NAPEPLD: variants seen among roughly 807,000 people sequenced by gnomAD.
NAPEPLD encodes N-acyl phosphatidylethanolamine phospholipase D.
Under a neutral mutation model 38.1 loss-of-function variants are expected in NAPEPLD, and 23 were observed. The ratio of observed to expected loss-of-function variants is 0.60; its 90% CI spans 0.43 to 0.86. The LOEUF (loss-of-function observed/expected upper bound fraction) is 0.86, where lower values mean the gene tolerates loss of function less well. Among genes scored for constraint, NAPEPLD ranks in the 40% least tolerant of loss-of-function variants. The pLI, the probability that NAPEPLD is intolerant of heterozygous loss-of-function variation, is 0.00. For missense variants in NAPEPLD, 411 were observed against 476.8 expected, an observed-to-expected ratio of 0.86 and a Z score of 1.28; for synonymous variants, 147 against 162.0, an observed-to-expected ratio of 0.91 and a Z score of 0.71.
intron 2 of NAPEPLD, among the ~76,000 whole-genome samples, chr7:103,122,797 T>C (rs1806987648): frequency 6.6e-6 from 1 of 152,186 alleles, no homozygotes; most frequent in African/African-American, 2.4e-5. Context: ...CTAAGAAATA[T>C]TCAGACATTC....
In NAPEPLD at chr7:103,102,771, A is replaced by G. The variant is rs558540249; in HGVS notation, c.*658T>C. The stretch of plus-strand genomic sequence containing the variant: ...GAACTGTACACTTAAAAATGGTTAA[A>G]ATGGTAAATGTTTAAAATGGCAAAT... On this transcript the variant is annotated 3_prime_UTR_variant, in exon 5 of 5. Transcript: ENST00000465647. The G allele has an allele frequency of 6.5e-6, 1 of 152,772 alleles. No homozygotes were observed. The highest frequency in any genetic ancestry group is 1.5e-5 in the Non-Finnish European group (1 of 68,042). 9.5% of individuals were successfully genotyped at this position (152,772 alleles called of 1,614,324 possible). A position where few individuals can be genotyped will look rare whatever the true frequency, so the allele number is the denominator to read the frequency against.
At position 103,100,447 on chromosome 7, in the gene NAPEPLD, G is replaced by A. The variant is rs1802239913; in HGVS notation, c.*2982C>T. ...AATGTCAAAATGCTAGAGAAAAGAG[G>A]GAGTAATTTTTAACTACCCAGAAAG... On this transcript the variant is annotated 3_prime_UTR_variant, in exon 5 of 5. Coordinates refer to ENST00000465647, the MANE Select transcript of NAPEPLD (RefSeq NM_001122838.3). The A allele has an allele frequency of 6.6e-6, 1 of 152,130 alleles. No individual in the cohort carries two copies. Among genetic ancestry groups the A allele is most frequent in the African/African-American group, 2.4e-5 (1 of 41,428 alleles). 9.4% of individuals were successfully genotyped at this position (152,130 alleles called of 1,614,324 possible).
chr7:103,118,441 A>C (rs1356823552), intron 3 of NAPEPLD, among the ~76,000 whole-genome samples: 3 of 148,932 alleles, frequency 2.0e-5, no homozygotes, highest in Non-Finnish European at 4.4e-5. Context: ...AGCAAAAAAC[A>C]AAAAGGGATA....
chr7:103,111,326 A>G (rs1585833250), intron 4 of NAPEPLD, among the ~76,000 whole-genome samples: 1 of 152,368 alleles, frequency 6.6e-6, no homozygotes, highest in South Asian at 2.1e-4. Flanking sequence ...AAAAGAACAA[A>G]GCTGGAGGCA....
intron 1 of NAPEPLD, chr7:103,141,933 TACTC>T: frequency 1.0e-6 from 1 of 954,200 alleles, no homozygotes; most frequent in South Asian, 1.3e-5. Flanking sequence ...AGCCTGAGCA[TACTC>T]AAGGCTGCAG....
rs1806371878 is a variant in NAPEPLD, at chr7:103,120,226, T to C, written c.295-3A>G. The C allele has an allele frequency of 6.2e-7, 1 of 1,607,068 alleles. No homozygotes were observed. The highest frequency in any genetic ancestry group is 8.5e-7 in the Non-Finnish European group (1 of 1,176,266). On this transcript the variant is annotated splice_polypyrimidine_tract_variant and splice_region_variant and intron_variant, in intron 2 of 4. Transcript: ENST00000465647. ...ACTGGGAGTTCTTTGTCTAGTTCCTTTGTGTATAAAGAAAGCAAGACAAAA... is the reference window on the plus strand; with the variant it reads ...ACTGGGAGTTCTTTGTCTAGTTCCTCTGTGTATAAAGAAAGCAAGACAAAA...
chr7:103,131,174 T>C (rs1455771218), intron 1 of NAPEPLD, among the ~76,000 whole-genome samples: 1 of 151,772 alleles, frequency 6.6e-6, no homozygotes, highest in Non-Finnish European at 1.5e-5. Context: ...CATATACATA[T>C]GTATGTATAT....
chr7:103,120,744 C>T (rs555847171), intron 2 of NAPEPLD, among the ~76,000 whole-genome samples: 9 of 112,320 alleles, frequency 8.0e-5, no homozygotes, highest in East Asian at 3.1e-4. Flanking sequence ...GACAGGCTCT[C>T]GCTCTGTTAC....
chr7:103,115,030 CAA>C (rs1012690108), intron 4 of NAPEPLD, 28 bp downstream of exon 4: 3 of 1,546,984 alleles, frequency 1.9e-6, no homozygotes, highest in Admixed American at 1.7e-5. Flanking sequence ...GTCAAACACA[CAA>C]AGTTATTTTT....
At chr7:103,128,242 C>A in intron 2 of NAPEPLD, 1 of 468,466 alleles carries the variant, frequency 2.1e-6, no homozygotes, top group Non-Finnish European at 3.7e-6. Context: ...TTCCTGTCAG[C>A]ATCACGTTCT....
chr7:103,125,104 A>G (rs924223794), intron 2 of NAPEPLD, among the ~76,000 whole-genome samples: 1 of 152,248 alleles, frequency 6.6e-6, no homozygotes, highest in African/African-American at 2.4e-5. Flanking sequence ...TTTTCTTCCA[A>G]CTGAAGGTAC....
chr7:103,107,617 T>A lies in NAPEPLD; in HGVS notation c.1057-4063A>T, dbSNP rs115298990. On this transcript the variant is annotated intron_variant, in intron 4 of 4. Coordinates refer to ENST00000465647, the MANE Select transcript of NAPEPLD (RefSeq NM_001122838.3). ...CTTCATTAAGCATACACAGTATCAA[T>A]AGCCGAATCGATCAAGCAGAAGAAA... Among the ~76,000 whole-genome samples the A allele has an allele frequency of 4.9e-3, 740 of 151,930 alleles. 5 individuals are homozygous for A. Among genetic ancestry groups the A allele is most frequent in the African/African-American group, 0.017 (708 of 41,408 alleles).
At chr7:103,131,756 G>T (rs1412806719) in intron 1 of NAPEPLD, among the ~76,000 whole-genome samples, 2 of 152,118 alleles carry the variant, frequency 1.3e-5, no homozygotes, top group African/African-American at 4.8e-5. Flanking sequence ...TGTGAGCCTG[G>T]ACTCCCTCTA....
chr7:103,119,653 G>A lies in NAPEPLD; in HGVS notation c.865C>T (p.Pro289Ser), dbSNP rs1395746306. 1.2e-6 allele frequency: 2 copies of A among 1,614,088 alleles called. No homozygotes were observed. The highest frequency in any genetic ancestry group is 2.2e-5 in the East Asian group (1 of 44,878). The change falls in exon 3 of 5, where the codon CCT (proline) becomes TCT (serine). Residue 289 changes from proline (P) to serine (S), a missense_variant. Pro to Ser is a moderately conservative substitution (Grantham distance 74, BLOSUM62 -1). Transcript: ENST00000465647. ...CTTTTTCCTATCTCTTCAAAAGCAG[G>A]GCAATAACCAGTATCTCCTGCGAAA... ...FFFAGDTGYC[P>S]AFEEIGKRFG...
rs1035723834 is a variant in NAPEPLD, at chr7:103,103,203, C to A, written c.*226G>T. 1 of 338,468 alleles carries A rather than the reference C, an allele frequency of 3.0e-6. No individual in the cohort carries two copies. The highest frequency in any genetic ancestry group is 1.0e-4 in the South Asian group (1 of 9,950). The allele number at this position is 338,468 out of a possible 1,614,324, so 21.0% of individuals were successfully genotyped here. ...ATCATGATATGAAATTTAAAATCCA[C>A]ATTAGCCAATTCATTATTTAAATGA... On this transcript the variant is annotated 3_prime_UTR_variant, in exon 5 of 5. Coordinates refer to ENST00000465647, the MANE Select transcript of NAPEPLD (RefSeq NM_001122838.3).
intron 4 of NAPEPLD, among the ~76,000 whole-genome samples, chr7:103,107,581 C>T (rs1803632630): frequency 6.6e-6 from 1 of 151,996 alleles, no homozygotes; most frequent in South Asian, 2.1e-4. Context: ...CTGAAAAACA[C>T]AGTAAGAGAA....
In NAPEPLD at chr7:103,128,904, T is replaced by C. The variant is rs1181285907; in HGVS notation, c.-16-112A>G. On this transcript the variant is annotated intron_variant, in intron 1 of 4. Transcript: ENST00000465647. ...TTTCTCTAAACTTATAAAAATATTATGTCTGTATTAGCTGAAACTTTCTTC... is the reference window on the plus strand; with the variant it reads ...TTTCTCTAAACTTATAAAAATATTACGTCTGTATTAGCTGAAACTTTCTTC... 7.2e-6 allele frequency: 8 copies of C among 1,115,184 alleles called. 1 individual carries two copies. The Admixed American group carries it at 8.6e-5, about 12-fold the overall frequency. The allele number at this position is 1,115,184 out of a possible 1,614,324, so 69.1% of individuals were successfully genotyped here.
chr7:103,142,778 C>A (rs911287525), intron 1 of NAPEPLD, among the ~76,000 whole-genome samples: 1 of 152,152 alleles, frequency 6.6e-6, no homozygotes, highest in Non-Finnish European at 1.5e-5. Context: ...AATGAAAAAA[C>A]CAGAGCTTAA....
In NAPEPLD at chr7:103,119,871, A is replaced by C. The variant is rs1351365453; in HGVS notation, c.647T>G (p.Leu216Arg). ...ACAGCCACATTTTTGCATCCAGTCA[A>C]GGAGACCCAAAGGCACAAACCATCT... ...ELRWFVPLGL[L>R]DWMQKCGCEN... Residue 216 changes from leucine to arginine, a missense_variant, in exon 3 of 5, where the codon CTT becomes CGT. Physicochemically the swap from Leu to Arg is moderately radical, Grantham distance 102. Coordinates refer to ENST00000465647, the MANE Select transcript of NAPEPLD (RefSeq NM_001122838.3). The C allele has an allele frequency of 6.2e-7, 1 of 1,614,210 alleles. No homozygotes were observed. The highest frequency in any genetic ancestry group is 1.1e-5 in the South Asian group (1 of 91,086).
Sources: gnomAD v4.1 joint callset for allele counts (sites outside exome capture counted in the v4.1 genomes callset) on GRCh38, gnomAD v4.1.1 for gene constraint, MANE v1.5 for transcripts, NCBI Gene and HGNC (gene_info 2026-07-23, HGNC 2026-07-21) for gene names.